The following FAF1 variants were observed in gnomAD, a reference collection of about 807,000 sequenced individuals.
FAF1 encodes the protein FAS-associated factor 1.
In FAF1, 25 loss-of-function variants were observed where a neutral mutation model predicts 92.5. The ratio of observed to expected loss-of-function variants is 0.27; its 90% CI spans 0.20 to 0.38. The LOEUF (loss-of-function observed/expected upper bound fraction) is 0.38, where lower values mean the gene tolerates loss of function less well. Ranked by LOEUF, FAF1 falls within the 10% of genes least tolerant of loss-of-function variation. The probability of loss-of-function intolerance (pLI) is 1.00; values close to 1 mark genes in which losing one functional copy is unlikely to be tolerated. For synonymous variants in FAF1, 234 were observed against 273.2 expected, an observed-to-expected ratio of 0.86 and a Z score of 1.42; for missense variants, 636 against 793.3, an observed-to-expected ratio of 0.80 and a Z score of 2.38.
At chr1:50,868,905 G>C (rs1024467746) in intron 1 of FAF1, among the ~76,000 whole-genome samples, 1 of 152,100 alleles carries the variant, frequency 6.6e-6, no homozygotes, top group African/African-American at 2.4e-5. Flanking sequence ...CTCTATAAAT[G>C]TCAATTAAGT....
At chr1:50,880,756 G>A (rs888991090) in intron 1 of FAF1, among the ~76,000 whole-genome samples, 3 of 152,168 alleles carry the variant, frequency 2.0e-5, no homozygotes, top group African/African-American at 7.2e-5. Flanking sequence ...GGCATAACAA[G>A]AGCAATTAAT....
intron 1 of FAF1, among the ~76,000 whole-genome samples, chr1:50,895,577 TAACAAACA>T (rs145937888): frequency 6.6e-6 from 1 of 151,678 alleles, no homozygotes; most frequent in East Asian, 1.9e-4. Context: ...CAAAAACAAA[TAACAAACA>T]AACAAACAAA....
At chr1:50,720,950 A>G (rs1049340288) in intron 6 of FAF1, among the ~76,000 whole-genome samples, 7 of 152,152 alleles carry the variant, frequency 4.6e-5, no homozygotes, top group African/African-American at 1.2e-4. Flanking sequence ...AGGATGCCAT[A>G]TAAGTTTCAA....
At chr1:50,714,333 T>C (rs943462077) in intron 6 of FAF1, among the ~76,000 whole-genome samples, 6 of 149,092 alleles carry the variant, frequency 4.0e-5, no homozygotes, top group Non-Finnish European at 8.9e-5. Flanking sequence ...TGAAATCGTG[T>C]CTCTACTAAA....
At chr1:50,470,242 C>T (rs1004192680) in intron 18 of FAF1, among the ~76,000 whole-genome samples, 18 of 152,114 alleles carry the variant, frequency 1.2e-4, no homozygotes, top group African/African-American at 4.3e-4. Flanking sequence ...TTTTCTAGTT[C>T]TATGACTCTA....
At chr1:50,524,580 T>A (rs760565603) in intron 15 of FAF1, among the ~76,000 whole-genome samples, 2 of 152,100 alleles carry the variant, frequency 1.3e-5, no homozygotes, top group East Asian at 3.9e-4. Context: ...AAGGAAAGAG[T>A]CCGGTTTCAA....
At chr1:50,835,405 A>G (rs1644191220) in intron 2 of FAF1, among the ~76,000 whole-genome samples, 1 of 152,088 alleles carries the variant, frequency 6.6e-6, no homozygotes, top group South Asian at 2.1e-4. Flanking sequence ...TTTAAGACCT[A>G]AATTCAAATC....
chr1:50,519,546 C>T (rs953850636), intron 15 of FAF1, among the ~76,000 whole-genome samples: 1 of 152,048 alleles, frequency 6.6e-6, no homozygotes, highest in African/African-American at 2.4e-5. Flanking sequence ...CTATATATGT[C>T]CAGGCATAAA....
chr1:50,914,391 T>C lies in FAF1; in HGVS notation c.45+45376A>G, dbSNP rs553818907. ...TAAAATCAATGCTACTCTCTAATTC[T>C]CTACCATCAATTCTTAATTCTTCTT... On this transcript the variant is annotated intron_variant, in intron 1 of 18. Transcript: ENST00000396153. 7.9e-5 allele frequency among the ~76,000 whole-genome samples: 12 copies of C among 152,336 alleles called. No homozygotes were observed. The East Asian group carries it at 2.3e-3, about 29-fold the overall frequency.
At chr1:50,771,282 C>T (rs889221364) in intron 4 of FAF1, among the ~76,000 whole-genome samples, 1 of 152,066 alleles carries the variant, frequency 6.6e-6, no homozygotes, top group African/African-American at 2.4e-5. Context: ...AGCTTCTGCA[C>T]AGCAAAAGAA....
chr1:50,442,883 G>A (rs1646186327), intron 18 of FAF1, among the ~76,000 whole-genome samples: 1 of 152,192 alleles, frequency 6.6e-6, no homozygotes, highest in Admixed American at 6.5e-5. Context: ...CCGCTTATAA[G>A]GAACTCAGAG....
At chr1:50,457,588 A>G (rs907632395) in intron 18 of FAF1, among the ~76,000 whole-genome samples, 3 of 151,900 alleles carry the variant, frequency 2.0e-5, no homozygotes, top group African/African-American at 7.3e-5. Context: ...CAGCCTTCAA[A>G]AGCTTATTTG....
chr1:50,716,858 C>T (rs1322415082), intron 6 of FAF1, among the ~76,000 whole-genome samples: 3 of 152,214 alleles, frequency 2.0e-5, no homozygotes, highest in Admixed American at 1.3e-4. Context: ...TGGCGACCCA[C>T]TCGGGTCCCC....
At chr1:50,769,729 CA>C (rs1660709466) in intron 4 of FAF1, among the ~76,000 whole-genome samples, 1 of 152,098 alleles carries the variant, frequency 6.6e-6, no homozygotes, top group African/African-American at 2.4e-5. Flanking sequence ...AAAAGGCTTT[CA>C]ATAAAATTCA....
intron 7 of FAF1, among the ~76,000 whole-genome samples, chr1:50,689,664 A>G (rs1364605499): frequency 2.0e-5 from 3 of 152,232 alleles, no homozygotes; most frequent in African/African-American, 4.8e-5. Flanking sequence ...AGCATTATTC[A>G]TAACAGCCAA....
intron 7 of FAF1, among the ~76,000 whole-genome samples, chr1:50,699,262 T>C (rs188230056): frequency 6.6e-6 from 1 of 152,236 alleles, no homozygotes; most frequent in African/African-American, 2.4e-5. Flanking sequence ...ACTAATTATT[T>C]CACAGTCTTA....
At chr1:50,717,888 C>G (rs1452493662) in intron 6 of FAF1, among the ~76,000 whole-genome samples, 1 of 151,942 alleles carries the variant, frequency 6.6e-6, no homozygotes, top group Non-Finnish European at 1.5e-5. Flanking sequence ...AATTATAACT[C>G]CATAAAAACA....
intron 8 of FAF1, chr1:50,612,586 T>A: frequency 2.0e-6 from 1 of 496,350 alleles, no homozygotes; most frequent in Non-Finnish European, 2.6e-6. Flanking sequence ...ACTCTTTGGA[T>A]AGCAAATATA....
At chr1:50,750,612 TTTTTC>T (rs1389483890) in intron 4 of FAF1, among the ~76,000 whole-genome samples, 268 of 151,022 alleles carry the variant, frequency 1.8e-3, no homozygotes, top group African/African-American at 4.8e-3. Context: ...AGATTTATCC[TTTTTC>T]TTTTCTTTTT....
Sources: allele counts gnomAD v4.1 joint callset (sites outside exome capture counted in the v4.1 genomes callset), GRCh38; gene constraint gnomAD v4.1.1; transcripts MANE v1.5; gene names NCBI Gene and HGNC (gene_info 2026-07-23, HGNC 2026-07-21).